ROBO1: variants seen among roughly 807,000 people sequenced by gnomAD.
ROBO1 encodes the protein roundabout guidance receptor 1, also known as roundabout homolog 1.
A neutral mutation model predicts 195.9 loss-of-function variants in ROBO1; 149 were observed. The observed-to-expected ratio is 0.76, with a 90% CI of 0.67 to 0.87. The LOEUF (loss-of-function observed/expected upper bound fraction) is 0.87. ROBO1 is among the 40% of genes least tolerant of loss of function. The pLI is 0.00. For synonymous variants in ROBO1, 816 were observed against 733.2 expected (o/e 1.11, Z -1.82); for missense variants, 1,933 against 2,068.3 (o/e 0.93, Z 1.27).
intron 2 of ROBO1, among the ~76,000 whole-genome samples, chr3:79,150,366 G>C (rs925365950): frequency 6.6e-6 from 1 of 151,604 alleles, no homozygotes; most frequent in African/African-American, 2.4e-5. Flanking sequence ...GGCACACAGT[G>C]AATGTGAAGT....
chr3:79,467,758 C>A (rs1295365199), intron 2 of ROBO1, among the ~76,000 whole-genome samples: 1 of 152,142 alleles, frequency 6.6e-6, no homozygotes, highest in Non-Finnish European at 1.5e-5. Flanking sequence ...GGGCACTGAG[C>A]TTAACACTTA....
intron 2 of ROBO1, among the ~76,000 whole-genome samples, chr3:79,280,813 T>C (rs1372437282): frequency 6.6e-6 from 1 of 152,154 alleles, no homozygotes; most frequent in Non-Finnish European, 1.5e-5. Flanking sequence ...ATTGCTCGCA[T>C]GCGCACTTCA....
intron 3 of ROBO1, among the ~76,000 whole-genome samples, chr3:79,027,001 C>T (rs1160609278): frequency 6.6e-6 from 1 of 151,900 alleles, no homozygotes; most frequent in East Asian, 1.9e-4. Flanking sequence ...TGTTTAGTCC[C>T]ACCTGTTGTT....
At position 78,677,001 on chromosome 3, in the gene ROBO1, A is replaced by G. The variant is rs1300615476; in HGVS notation, c.1343-6700T>C. ...CTCGGCAGAAACCCTACAAGCCAGA[A>G]GAGAGTGGGGGCCAATATTCAACAT... On this transcript the variant is annotated intron_variant, in intron 10 of 30. Transcript: ENST00000464233. Among the ~76,000 whole-genome samples, 3 of 152,270 alleles carry G rather than the reference A, an allele frequency of 2.0e-5. No homozygotes were observed. In the East Asian group the frequency reaches 5.8e-4, roughly 29 times the overall value.
chr3:79,026,112 G>A (rs939684952), intron 3 of ROBO1, among the ~76,000 whole-genome samples: 1 of 151,980 alleles, frequency 6.6e-6, no homozygotes, highest in Non-Finnish European at 1.5e-5. Flanking sequence ...ATCAGGAACC[G>A]GGAATGCTGT....
chr3:79,503,507 C>G, intron 2 of ROBO1, among the ~76,000 whole-genome samples: 1 of 152,180 alleles, frequency 6.6e-6, no homozygotes, highest in African/African-American at 2.4e-5. Flanking sequence ...TACCAGAAAA[C>G]TCTTAGGGAA....
chr3:79,583,283 G>A (rs1560014038), intron 2 of ROBO1, among the ~76,000 whole-genome samples: 1 of 151,812 alleles, frequency 6.6e-6, no homozygotes, highest in Non-Finnish European at 1.5e-5. Flanking sequence ...CTATTCTCAA[G>A]GGGAAAAAGA....
At chr3:79,599,586 C>T (rs9875064) in intron 1 of ROBO1, among the ~76,000 whole-genome samples, 29,360 of 151,666 alleles carry the variant, frequency 0.19, 4,935 homozygotes, top group African/African-American at 0.46. Flanking sequence ...GATGGCAAAT[C>T]AAACTTACAA....
chr3:78,965,117 A>C (rs1247104339), intron 3 of ROBO1, among the ~76,000 whole-genome samples: 3 of 152,020 alleles, frequency 2.0e-5, no homozygotes, highest in Non-Finnish European at 4.4e-5. Context: ...CTTTCTCATA[A>C]ACATAGAGTT....
intron 1 of ROBO1, among the ~76,000 whole-genome samples, chr3:79,665,674 A>C (rs1946457384): frequency 6.6e-6 from 1 of 151,986 alleles, no homozygotes; most frequent in Non-Finnish European, 1.5e-5. Context: ...ATGTGGCTTA[A>C]TGAAGGATTT....
chr3:78,884,859 TC>T (rs1424463610), intron 4 of ROBO1, among the ~76,000 whole-genome samples: 3 of 131,508 alleles, frequency 2.3e-5, no homozygotes, highest in African/African-American at 8.9e-5. Flanking sequence ...TCTCTCTCTC[TC>T]TCTTTCTGTG....
At chr3:79,231,722 A>G (rs1239486268) in intron 2 of ROBO1, among the ~76,000 whole-genome samples, 1 of 152,196 alleles carries the variant, frequency 6.6e-6, no homozygotes, top group Non-Finnish European at 1.5e-5. Flanking sequence ...GTATATACCC[A>G]AAAGGGTATA....
intron 4 of ROBO1, among the ~76,000 whole-genome samples, chr3:78,831,150 A>T (rs1200293041): frequency 1.3e-5 from 2 of 151,878 alleles, no homozygotes; most frequent in Non-Finnish European, 2.9e-5. Context: ...TGACCTCGTG[A>T]TCCACCCGCC....
chr3:79,069,448 C>T (rs1213814369), intron 3 of ROBO1, among the ~76,000 whole-genome samples: 1 of 151,884 alleles, frequency 6.6e-6, no homozygotes, highest in Non-Finnish European at 1.5e-5. Flanking sequence ...ATTGATGCCC[C>T]ACCTTCATGG....
chr3:79,493,325 G>T (rs966427475), intron 2 of ROBO1, among the ~76,000 whole-genome samples: 8 of 151,948 alleles, frequency 5.3e-5, no homozygotes, highest in Non-Finnish European at 1.2e-4. Context: ...ACATATGTTA[G>T]AATTTATAAT....
chr3:78,679,013 G>T (rs1320024129), intron 10 of ROBO1, among the ~76,000 whole-genome samples: 1 of 152,126 alleles, frequency 6.6e-6, no homozygotes, highest in Non-Finnish European at 1.5e-5. Flanking sequence ...ATGCAAGGCT[G>T]GTTCAATATA....
intron 2 of ROBO1, among the ~76,000 whole-genome samples, chr3:79,183,207 G>A (rs1202547620): frequency 2.0e-5 from 3 of 151,978 alleles, no homozygotes; most frequent in African/African-American, 7.3e-5. Flanking sequence ...TTAGAAATAA[G>A]GTTCCACAAA....
At chr3:78,637,586 A>C (rs1052621361) in intron 22 of ROBO1, among the ~76,000 whole-genome samples, 4 of 152,198 alleles carry the variant, frequency 2.6e-5, no homozygotes, top group Admixed American at 2.0e-4. Context: ...GTAAATAGCC[A>C]TCTGTTGCCA....
At chr3:79,061,398 A>G (rs2078914712) in intron 3 of ROBO1, among the ~76,000 whole-genome samples, 1 of 152,214 alleles carries the variant, frequency 6.6e-6, no homozygotes, top group African/African-American at 2.4e-5. Context: ...GATAGGAAGA[A>G]TCAATATCAT....
Sources: gnomAD v4.1 joint callset for allele counts (sites outside exome capture counted in the v4.1 genomes callset) on GRCh38, gnomAD v4.1.1 for gene constraint, MANE v1.5 for transcripts, NCBI Gene and HGNC (gene_info 2026-07-23, HGNC 2026-07-21) for gene names.